PALM2AKAP2: variants seen among roughly 807,000 people sequenced by gnomAD.
PALM2AKAP2 encodes the protein PALM2 and AKAP2 fusion, also known as PALM2-AKAP2 fusion protein.
Under a neutral mutation model 71.5 loss-of-function variants are expected in PALM2AKAP2, and 37 were observed. The observed-to-expected ratio is 0.52, with a 90% CI of 0.40 to 0.68. PALM2AKAP2 has a LOEUF of 0.68. Ranked by LOEUF, PALM2AKAP2 falls within the 30% of genes least tolerant of loss-of-function variation. The pLI is 0.00. For missense variants in PALM2AKAP2, 1,224 were observed against 1,191.8 expected (o/e 1.03, Z -0.40); for synonymous variants, 468 against 478.8 (o/e 0.98, Z 0.29).
upstream of PALM2AKAP2, among the ~76,000 whole-genome samples, chr9:109,776,044 T>C (rs915665313): frequency 6.6e-6 from 1 of 152,218 alleles, no homozygotes; most frequent in African/African-American, 2.4e-5. Flanking sequence ...CATTGTGATG[T>C]ATATATCCAG....
intron 1 of PALM2AKAP2, among the ~76,000 whole-genome samples, chr9:109,711,993 T>TTGTG (rs10611227): frequency 0.023 from 3,450 of 148,696 alleles, 112 homozygotes; most frequent in African/African-American, 0.072. Context: ...GTGTGAGTGC[T>TTGTG]TGTGTGTGTG....
At chr9:109,666,031 C>T (rs1827478897) in intron 1 of PALM2AKAP2, among the ~76,000 whole-genome samples, 1 of 152,228 alleles carries the variant, frequency 6.6e-6, no homozygotes, top group Non-Finnish European at 1.5e-5. Flanking sequence ...CTGCCGGTTG[C>T]TAAGACCTTG....
At chr9:110,001,211 C>T (rs1254447335) in intron 6 of PALM2AKAP2, among the ~76,000 whole-genome samples, 1 of 152,156 alleles carries the variant, frequency 6.6e-6, no homozygotes, top group Admixed American at 6.6e-5. Flanking sequence ...GGAAGGGATC[C>T]AGTTTCAGCT....
intron 2 of PALM2AKAP2, 75 bp from the exon 3 acceptor site, chr9:109,880,476 G>T (rs10816904): frequency 0.21 from 322,764 of 1,561,510 alleles, 37,920 homozygotes; most frequent in African/African-American, 0.41. Flanking sequence ...AGCTAAAACA[G>T]CACCACTGCA....
Position 109,859,129 on chromosome 9 carries a change from A to G in PALM2AKAP2, c.46-8362A>G, listed in dbSNP as rs144828247. ...TGTTTCTTAAGGTTTTGGGTGTTAA[A>G]TTACCCCTTCTAAAATCCAGTATTG... On this transcript the variant is annotated intron_variant, in intron 1 of 9. Coordinates refer to the PALM2AKAP2 transcript ENST00000302798. 2.8e-4 allele frequency among the ~76,000 whole-genome samples: 43 copies of G among 152,316 alleles called. 1 individual carries two copies. The highest frequency in any genetic ancestry group is 1.5e-3 in the Admixed American group (23 of 15,296).
intron 1 of PALM2AKAP2, among the ~76,000 whole-genome samples, chr9:109,654,969 C>G (rs1426138282): frequency 6.6e-6 from 1 of 152,086 alleles, no homozygotes; most frequent in Non-Finnish European, 1.5e-5. Flanking sequence ...TTACTCTCTC[C>G]CCACATTTTC....
At chr9:109,670,234 C>T (rs1827554001) in intron 1 of PALM2AKAP2, among the ~76,000 whole-genome samples, 1 of 151,814 alleles carries the variant, frequency 6.6e-6, no homozygotes, top group Admixed American at 6.6e-5. Flanking sequence ...TGTCTAGTAC[C>T]CATTAGTTGT....
At chr9:109,985,101 A>C (rs1832348227) in intron 6 of PALM2AKAP2, among the ~76,000 whole-genome samples, 2 of 151,434 alleles carry the variant, frequency 1.3e-5, no homozygotes, top group African/African-American at 4.9e-5. Flanking sequence ...ACTTGAATCA[A>C]GGAGGCAGAG....
chr9:109,747,426 T>G (rs1828819659), intron 1 of PALM2AKAP2, among the ~76,000 whole-genome samples: 1 of 152,210 alleles, frequency 6.6e-6, no homozygotes, highest in South Asian at 2.1e-4. Flanking sequence ...GCCTTGACGT[T>G]CTTGGGGTTC....
chr9:109,889,863 A>G (rs1830046219), intron 3 of PALM2AKAP2, among the ~76,000 whole-genome samples: 1 of 152,194 alleles, frequency 6.6e-6, no homozygotes, highest in Non-Finnish European at 1.5e-5. Context: ...TAAGAGCCAT[A>G]TTTGGGAAAT....
intron 1 of PALM2AKAP2, among the ~76,000 whole-genome samples, chr9:109,735,509 A>G (rs1035917834): frequency 1.3e-5 from 2 of 152,168 alleles, no homozygotes; most frequent in African/African-American, 4.8e-5. Context: ...AGTAACTTTA[A>G]TCTTCAATGC....
chr9:109,873,912 G>A (rs577114977), intron 2 of PALM2AKAP2, among the ~76,000 whole-genome samples: 2 of 152,214 alleles, frequency 1.3e-5, no homozygotes, highest in South Asian at 4.1e-4. Flanking sequence ...AGGCTGAGGT[G>A]GGAGGATCAT....
At chr9:110,061,664 T>C (rs1375299856) in intron 1 of PALM2AKAP2, among the ~76,000 whole-genome samples, 1 of 149,836 alleles carries the variant, frequency 6.7e-6, no homozygotes, top group Non-Finnish European at 1.5e-5. Flanking sequence ...TGTGTACATA[T>C]ATATATGTGT....
In PALM2AKAP2 at chr9:109,668,158, G is replaced by A. The variant is rs1242933300; in HGVS notation, c.5+27292G>A. Among the ~76,000 whole-genome samples, 2 of 22,206 alleles carry A rather than the reference G, an allele frequency of 9.0e-5. 1 individual carries two copies. 14.6% of individuals were successfully genotyped at this position (22,206 alleles called of 152,430 possible). A position where few individuals can be genotyped will look rare whatever the true frequency, so the allele number is the denominator to read the frequency against. On this transcript the variant is annotated intron_variant, in intron 1 of 6. Coordinates refer to the PALM2AKAP2 transcript ENST00000374531. Reference sequence around the variant, plus strand: ...TCACCGTTTTAGCCGGGATGGTCTCGATCTCCTGACCTCGTGATCCGCCCG... The same window carrying A: ...TCACCGTTTTAGCCGGGATGGTCTCAATCTCCTGACCTCGTGATCCGCCCG...
At chr9:110,071,035 G>A (rs975910625) in intron 1 of PALM2AKAP2, among the ~76,000 whole-genome samples, 2 of 151,792 alleles carry the variant, frequency 1.3e-5, no homozygotes, top group African/African-American at 2.4e-5. Context: ...ATGGTGGTAC[G>A]TGCCTGTAGT....
chr9:110,035,919 T>C (rs2132438784), intron 7 of PALM2AKAP2, among the ~76,000 whole-genome samples: 1 of 150,920 alleles, frequency 6.6e-6, no homozygotes, highest in South Asian at 2.1e-4. Flanking sequence ...ATATGATATA[T>C]ATATTGTTTT....
chr9:110,094,753 G>A (rs1255760675), intron 1 of PALM2AKAP2, among the ~76,000 whole-genome samples: 1 of 152,184 alleles, frequency 6.6e-6, no homozygotes, highest in Admixed American at 6.5e-5. Context: ...TTCGACATGA[G>A]ATTTGGGTGG....
chr9:110,050,958 T>C (rs1368837598), intron 1 of PALM2AKAP2, among the ~76,000 whole-genome samples: 2 of 152,188 alleles, frequency 1.3e-5, no homozygotes, highest in South Asian at 4.1e-4. Context: ...ATCTTCTCCT[T>C]TGAGTGGAGG....
At chr9:109,936,135 A>T (rs1831212909) in intron 6 of PALM2AKAP2, among the ~76,000 whole-genome samples, 1 of 152,272 alleles carries the variant, frequency 6.6e-6, no homozygotes, top group East Asian at 1.9e-4. Context: ...TATGGGGTAC[A>T]TGTGGTATTT....
Sources: allele counts gnomAD v4.1 joint callset (sites outside exome capture counted in the v4.1 genomes callset), GRCh38; gene constraint gnomAD v4.1.1; transcripts MANE v1.5; gene names NCBI Gene and HGNC (gene_info 2026-07-23, HGNC 2026-07-21).